The following ZFAND6 variants were observed in gnomAD, a reference collection of about 807,000 sequenced individuals.
ZFAND6 encodes the protein zinc finger AN1-type containing 6.
A neutral mutation model predicts 24.5 loss-of-function variants in ZFAND6; 12 were observed. That is an observed-to-expected ratio of 0.49 (90% CI 0.31 to 0.79). ZFAND6 has a LOEUF of 0.79. ZFAND6 is among the 30% of genes least tolerant of loss of function. The pLI is 0.04. For missense variants in ZFAND6, 207 were observed against 245.9 expected, an observed-to-expected ratio of 0.84 and a Z score of 1.06; for synonymous variants, 92 against 81.5, an observed-to-expected ratio of 1.13 and a Z score of -0.69.
intron 1 of ZFAND6, among the ~76,000 whole-genome samples, chr15:80,084,523 G>T (rs192232816): frequency 6.6e-6 from 1 of 152,328 alleles, no homozygotes; most frequent in African/African-American, 2.4e-5. Flanking sequence ...AGATGTAATG[G>T]CATAAAAGGG....
chr15:80,099,493 A>G (rs1218820073), intron 2 of ZFAND6, among the ~76,000 whole-genome samples: 2 of 152,192 alleles, frequency 1.3e-5, no homozygotes, highest in African/African-American at 4.8e-5. Context: ...CACTAAAATG[A>G]AATTACTTTC....
chr15:80,112,584 G>C (rs1024744584), intron 2 of ZFAND6, among the ~76,000 whole-genome samples: 9 of 152,120 alleles, frequency 5.9e-5, no homozygotes, highest in Admixed American at 2.6e-4. Context: ...TTTTAGTAGA[G>C]ATAAGGTTTC....
chr15:80,106,499 T>G (rs1018145021), intron 2 of ZFAND6, among the ~76,000 whole-genome samples: 2 of 152,028 alleles, frequency 1.3e-5, no homozygotes, highest in East Asian at 3.8e-4. Context: ...TCTGGTGCTT[T>G]AGAGAAAAAA....
intron 1 of ZFAND6, among the ~76,000 whole-genome samples, chr15:80,083,299 C>G (rs1048386188): frequency 3.3e-5 from 5 of 152,216 alleles, no homozygotes; most frequent in Non-Finnish European, 5.9e-5. Flanking sequence ...CCTATACATA[C>G]GTTATTTTAA....
rs2038863621 is a variant in ZFAND6, at chr15:80,098,591, T to G, written c.-18+13T>G. ...CAACCTCAACTGTGTGAGTAGAGACTTAAGCCTGTAACCCTATGTAATTGG... is the reference window on the plus strand; with the variant it reads ...CAACCTCAACTGTGTGAGTAGAGACGTAAGCCTGTAACCCTATGTAATTGG... On this transcript the variant is annotated intron_variant, in intron 2 of 6. Coordinates refer to ENST00000261749, the MANE Select transcript of ZFAND6 (RefSeq NM_019006.4). The G allele has an allele frequency of 6.6e-6, 1 of 152,216 alleles. No individual in the cohort carries two copies. Among genetic ancestry groups the G allele is most frequent in the South Asian group, 2.1e-4 (1 of 4,836 alleles). The allele number at this position is 152,216 out of a possible 1,614,324, so 9.4% of individuals were successfully genotyped here. A position where few individuals can be genotyped will look rare whatever the true frequency, so the allele number is the denominator to read the frequency against.
At chr15:80,098,607 A>G (rs1470204346) in intron 2 of ZFAND6, 29 bp downstream of exon 2, 1 of 152,202 alleles carries the variant, frequency 6.6e-6, no homozygotes, top group Non-Finnish European at 1.5e-5. Context: ...CTGTAACCCT[A>G]TGTAATTGGG....
intron 5 of ZFAND6, among the ~76,000 whole-genome samples, chr15:80,123,887 G>T (rs545870350): frequency 6.6e-6 from 1 of 152,188 alleles, no homozygotes; most frequent in South Asian, 2.1e-4. Flanking sequence ...CCGGTCTCAA[G>T]AATTAAATAA....
At chr15:80,060,033 C>G (rs1054404370) in intron 1 of ZFAND6, 4 of 150,550 alleles carry the variant, frequency 2.7e-5, no homozygotes, top group African/African-American at 9.7e-5. Flanking sequence ...GGCCGGAGAT[C>G]GGCGGGTTCA....
At chr15:80,079,137 G>A (rs1567056851) in intron 1 of ZFAND6, among the ~76,000 whole-genome samples, 1 of 150,048 alleles carries the variant, frequency 6.7e-6, no homozygotes, top group Admixed American at 6.7e-5. Flanking sequence ...CTTGCTTGTT[G>A]AATTCTGGAT....
chr15:80,088,487 A>G (rs576085691), intron 1 of ZFAND6, among the ~76,000 whole-genome samples: 4 of 151,552 alleles, frequency 2.6e-5, no homozygotes, highest in South Asian at 2.1e-4. Context: ...AATTGCTTGA[A>G]CCCGGGAGAC....
At chr15:80,128,272 T>G (rs1289056200) in intron 5 of ZFAND6, among the ~76,000 whole-genome samples, 1 of 152,192 alleles carries the variant, frequency 6.6e-6, no homozygotes, top group East Asian at 1.9e-4. Flanking sequence ...CTTGTGAATA[T>G]AATAAAAACC....
At chr15:80,069,287 C>CT (rs2036838898) in intron 1 of ZFAND6, among the ~76,000 whole-genome samples, 1 of 152,140 alleles carries the variant, frequency 6.6e-6, no homozygotes, top group South Asian at 2.1e-4. Flanking sequence ...AATGCCTTCT[C>CT]TTTTATTTTT....
intron 1 of ZFAND6, among the ~76,000 whole-genome samples, chr15:80,095,671 A>T (rs1352703342): frequency 6.6e-6 from 1 of 152,140 alleles, no homozygotes; most frequent in East Asian, 1.9e-4. Context: ...GAGCTGTTGG[A>T]TTCTTTAGCA....
chr15:80,085,847 C>T (rs570965345), intron 1 of ZFAND6, among the ~76,000 whole-genome samples: 1 of 152,086 alleles, frequency 6.6e-6, no homozygotes, highest in African/African-American at 2.4e-5. Context: ...AGACTGTGGT[C>T]ATGTGTGTTT....
intron 2 of ZFAND6, among the ~76,000 whole-genome samples, chr15:80,111,082 G>A (rs2039585769): frequency 6.6e-6 from 1 of 152,182 alleles, no homozygotes; most frequent in Non-Finnish European, 1.5e-5. Flanking sequence ...AGATTCAATT[G>A]TTGAGTAATT....
chr15:80,124,356 C>T (rs987826438), intron 5 of ZFAND6, among the ~76,000 whole-genome samples: 2 of 151,870 alleles, frequency 1.3e-5, no homozygotes, highest in African/African-American at 2.4e-5. Context: ...TGGCATGAAC[C>T]TGGGAGGCGG....
At chr15:80,089,383 C>T (rs28554068) in intron 1 of ZFAND6, among the ~76,000 whole-genome samples, 28 of 151,202 alleles carry the variant, frequency 1.9e-4, no homozygotes, top group African/African-American at 5.6e-4. Context: ...CTGAGCCTCC[C>T]GAGTAGCTGG....
intron 5 of ZFAND6, among the ~76,000 whole-genome samples, chr15:80,127,316 G>A (rs1012916891): frequency 6.6e-6 from 1 of 151,350 alleles, no homozygotes; most frequent in African/African-American, 2.4e-5. Flanking sequence ...GGCCGGGTGC[G>A]GTGGTTCACA....
At position 80,082,733 on chromosome 15, in the gene ZFAND6, C is replaced by T. The variant is rs1444261163; in HGVS notation, c.-180-15683C>T. 1.3e-5 allele frequency among the ~76,000 whole-genome samples: 2 copies of T among 152,096 alleles called. 1 individual carries two copies. Among genetic ancestry groups the T allele is most frequent in the Admixed American group, 1.3e-4 (2 of 15,272 alleles). On this transcript the variant is annotated intron_variant, in intron 1 of 6. Transcript: ENST00000261749. Reference sequence around the variant, plus strand: ...CAAAGGATGGAAACTGGTAAGAGTTCCAGATATTTAAGGAGTTTATTATGA... The same window carrying T: ...CAAAGGATGGAAACTGGTAAGAGTTTCAGATATTTAAGGAGTTTATTATGA...
Sources: allele counts gnomAD v4.1 joint callset (sites outside exome capture counted in the v4.1 genomes callset), GRCh38; gene constraint gnomAD v4.1.1; transcripts MANE v1.5; gene names NCBI Gene and HGNC (gene_info 2026-07-23, HGNC 2026-07-21).